The following SPATS2L variants were observed in gnomAD, a reference collection of about 807,000 sequenced individuals.
SPATS2L encodes spermatogenesis associated serine rich 2 like, also known as SPATS2-like protein.
In SPATS2L, 30 loss-of-function variants were observed where a neutral mutation model predicts 59.6. That is an observed-to-expected ratio of 0.50 (90% confidence interval 0.38 to 0.68). SPATS2L has a LOEUF of 0.68. SPATS2L is among the 30% of genes least tolerant of loss of function. The pLI is 0.00. For synonymous variants in SPATS2L, 252 were observed against 263.5 expected, an observed-to-expected ratio of 0.96 and a Z score of 0.42; for missense variants, 615 against 700.0, an observed-to-expected ratio of 0.88 and a Z score of 1.37.
intron 2 of SPATS2L, among the ~76,000 whole-genome samples, chr2:200,370,176 A>G (rs1378307096): frequency 6.6e-6 from 1 of 152,244 alleles, no homozygotes; most frequent in Non-Finnish European, 1.5e-5. Flanking sequence ...CAAAAAGAGA[A>G]AACATAAAAG....
chr2:200,435,728 G>A (rs1488642500), intron 6 of SPATS2L, among the ~76,000 whole-genome samples: 1 of 152,074 alleles, frequency 6.6e-6, no homozygotes. Flanking sequence ...ATATAAATTA[G>A]TAGTGATTAC....
At chr2:200,329,578 C>T in intron 2 of SPATS2L, 98 bp downstream of exon 2, 1 of 1,013,532 alleles carries the variant, frequency 9.9e-7, no homozygotes, top group South Asian at 1.4e-5. Flanking sequence ...CTTGTCACAG[C>T]CTTTGGCCGC....
At chr2:200,425,852 G>C (rs1209548230) in intron 6 of SPATS2L, among the ~76,000 whole-genome samples, 1 of 152,034 alleles carries the variant, frequency 6.6e-6, no homozygotes. Flanking sequence ...TGTAATAAAT[G>C]TTATAAAGGC....
At chr2:200,378,484 C>G in intron 2 of SPATS2L, 1 of 714,296 alleles carries the variant, frequency 1.4e-6, no homozygotes, top group Non-Finnish European at 1.8e-6. Context: ...CCTGCCTTCA[C>G]TCCCCAGTAT....
At chr2:200,412,288 C>CT (rs748739547) in intron 3 of SPATS2L, 23 bp from the exon 4 acceptor site, 53,439 of 1,019,316 alleles carry the variant, frequency 0.052, 15 homozygotes, top group South Asian at 0.062. Context: ...ATTTCTATTT[C>CT]TTTTTTTTTT....
intron 3 of SPATS2L, among the ~76,000 whole-genome samples, chr2:200,407,941 C>T (rs557298031): frequency 1.6e-4 from 25 of 152,238 alleles, no homozygotes; most frequent in South Asian, 4.2e-4. Context: ...CTACATGCAC[C>T]GTATTAGTCG....
At position 200,344,888 on chromosome 2, in the gene SPATS2L, A is replaced by G. The variant is rs140631492; in HGVS notation, c.-23+15408A>G. Among the ~76,000 whole-genome samples the G allele has an allele frequency of 3.7e-3, 558 of 152,166 alleles. 5 individuals carry two copies. The highest frequency in any genetic ancestry group is 0.013 in the African/African-American group (521 of 41,522). ...GTCTCCTTTTGAGAAGTGTCTGTTC[A>G]TATCCTTCGCCCACTTTTTGATGGG... is the stretch of plus-strand genomic sequence containing the variant. On this transcript the variant is annotated intron_variant, in intron 2 of 12. Transcript: ENST00000409140.
chr2:200,376,616 C>T lies in SPATS2L; in HGVS notation c.-22-12607C>T, dbSNP rs2081608269. Among the ~76,000 whole-genome samples, 2 of 152,230 alleles carry T rather than the reference C, an allele frequency of 1.3e-5. 1 individual carries two copies. The highest frequency in any genetic ancestry group is 4.1e-4 in the South Asian group (2 of 4,832). On this transcript the variant is annotated intron_variant, in intron 2 of 12. Transcript: ENST00000409140. The stretch of plus-strand genomic sequence containing the variant: ...TGAATTTGGTCACGAAAGCACTGAG[C>T]ACATCTGATAGCTACAAGGCAGGAA...
At chr2:200,432,769 A>G (rs2084020117) in intron 6 of SPATS2L, among the ~76,000 whole-genome samples, 1 of 152,220 alleles carries the variant, frequency 6.6e-6, no homozygotes, top group Non-Finnish European at 1.5e-5. Flanking sequence ...TGGATATATA[A>G]TGGATGAAGA....
In SPATS2L at chr2:200,371,470, T is replaced by A. The variant is rs1429554206; in HGVS notation, c.-22-17753T>A. Among the ~76,000 whole-genome samples the A allele has an allele frequency of 2.0e-5, 3 of 152,196 alleles. No homozygotes were observed. In the East Asian group the frequency reaches 5.8e-4, roughly 29 times the overall value. ...AAGTAGACTTGTACAGAAAAAGCTC[T>A]TTTAGGATGCATGGATCCCCATTGT... is the stretch of plus-strand genomic sequence containing the variant. On this transcript the variant is annotated intron_variant, in intron 2 of 12. Coordinates refer to ENST00000409140, the MANE Select transcript of SPATS2L (RefSeq NM_001100423.2).
chr2:200,428,302 C>T (rs2083704883), intron 6 of SPATS2L, among the ~76,000 whole-genome samples: 1 of 152,146 alleles, frequency 6.6e-6, no homozygotes. Flanking sequence ...GTTTTTTAAT[C>T]TTTATTTTTT....
chr2:200,443,234 G>A (rs1047798354), intron 8 of SPATS2L, among the ~76,000 whole-genome samples: 2 of 152,140 alleles, frequency 1.3e-5, no homozygotes, highest in African/African-American at 4.8e-5. Flanking sequence ...TGTTTTCTAA[G>A]AGGAAGAAAA....
intron 9 of SPATS2L, among the ~76,000 whole-genome samples, chr2:200,464,725 T>C (rs2086469069): frequency 1.3e-5 from 2 of 152,146 alleles, no homozygotes; most frequent in African/African-American, 4.8e-5. Context: ...GCAATCCTCC[T>C]GCCTCAGCCT....
chr2:200,375,783 C>T (rs1025233856), intron 2 of SPATS2L, among the ~76,000 whole-genome samples: 1 of 152,104 alleles, frequency 6.6e-6, no homozygotes, highest in Non-Finnish European at 1.5e-5. Context: ...CATGCAACCA[C>T]ACCTGGCTAA....
chr2:200,435,688 G>T (rs556887636), intron 6 of SPATS2L, among the ~76,000 whole-genome samples: 3 of 151,894 alleles, frequency 2.0e-5, no homozygotes, highest in African/African-American at 4.8e-5. Context: ...ATATTTTAAG[G>T]CTTCACTAAA....
At chr2:200,410,873 G>A (rs2082853138) in intron 3 of SPATS2L, among the ~76,000 whole-genome samples, 1 of 152,012 alleles carries the variant, frequency 6.6e-6, no homozygotes, top group Admixed American at 6.6e-5. Context: ...CACAGAATTG[G>A]ATTTTTAAAG....
intron 2 of SPATS2L, among the ~76,000 whole-genome samples, chr2:200,380,361 G>A (rs1050543858): frequency 2.0e-5 from 3 of 152,206 alleles, no homozygotes; most frequent in African/African-American, 2.4e-5. Context: ...TGCCGTGTAC[G>A]TGCAGCATAT....
At position 200,466,431 on chromosome 2, in the gene SPATS2L, T is replaced by C. The variant is rs138257033; in HGVS notation, c.848-859T>C. 3.8e-3 allele frequency among the ~76,000 whole-genome samples: 586 copies of C among 152,366 alleles called. 5 individuals are homozygous for C. The highest frequency in any genetic ancestry group is 0.017 in the Middle Eastern group (5 of 294). On this transcript the variant is annotated intron_variant, in intron 9 of 12. Transcript: ENST00000409140. ...TTAAATCTCATCCTGTGTGTCTGTATTGATTGCTACTGAGCGCCATAATCT... is the reference window on the plus strand; with the variant it reads ...TTAAATCTCATCCTGTGTGTCTGTACTGATTGCTACTGAGCGCCATAATCT...
At chr2:200,416,666 G>C (rs561049737) in intron 5 of SPATS2L, among the ~76,000 whole-genome samples, 19 of 152,266 alleles carry the variant, frequency 1.2e-4, no homozygotes, top group African/African-American at 4.3e-4. Flanking sequence ...AGAAGTCCCA[G>C]AGTTGTTCTC....
Sources: allele counts gnomAD v4.1 joint callset (sites outside exome capture counted in the v4.1 genomes callset), GRCh38; gene constraint gnomAD v4.1.1; transcripts MANE v1.5; gene names NCBI Gene and HGNC (gene_info 2026-07-23, HGNC 2026-07-21).